PDE1B: variants seen among roughly 807,000 people sequenced by gnomAD.
PDE1B encodes phosphodiesterase 1B.
Under a neutral mutation model 66.7 loss-of-function variants are expected in PDE1B, and 13 were observed. That is an observed-to-expected ratio of 0.19 (90% CI 0.13 to 0.31). The LOEUF (loss-of-function observed/expected upper bound fraction) is 0.31. PDE1B is among the 10% of genes least tolerant of loss of function. PDE1B has a pLI of 1.00. For missense variants in PDE1B, 485 were observed against 682.3 expected, an observed-to-expected ratio of 0.71 and a Z score of 3.22; for synonymous variants, 230 against 253.9, an observed-to-expected ratio of 0.91 and a Z score of 0.90.
At chr12:54,572,919 C>T (rs1332618499) in intron 7 of PDE1B, among the ~76,000 whole-genome samples, 178 bp downstream of exon 7, 2 of 152,168 alleles carry the variant, frequency 1.3e-5, no homozygotes, top group African/African-American at 4.8e-5. Context: ...GACTAAAACT[C>T]GTTGGACAGT....
intron 3 of PDE1B, among the ~76,000 whole-genome samples, chr12:54,567,957 A>C (rs561208996): frequency 6.6e-6 from 1 of 152,222 alleles, no homozygotes; most frequent in East Asian, 1.9e-4. Flanking sequence ...CTGGGGTTCA[A>C]GCAATTCTTC....
rs903379475 is a variant in PDE1B at position 54,575,773 on chromosome 12, G to A, written c.1267+141G>A. Reference sequence around the variant, plus strand: ...CTACTGTGCTAGAGCATGGGGTCCTGGGTTAGGAGGCCAGGGGGCTGCAAT... The same window carrying A: ...CTACTGTGCTAGAGCATGGGGTCCTAGGTTAGGAGGCCAGGGGGCTGCAAT... On this transcript the variant is annotated intron_variant, in intron 12 of 15. Coordinates refer to ENST00000243052, the MANE Select transcript of PDE1B (RefSeq NM_000924.4). The surrounding 1 kb of genome is among the most constrained non-coding windows in gnomAD (Gnocchi z 4.0). 6.6e-6 allele frequency: 5 copies of A among 756,402 alleles called. No homozygotes were observed. The highest frequency in any genetic ancestry group is 9.2e-6 in the Non-Finnish European group (4 of 436,386). 46.9% of individuals were successfully genotyped at this position (756,402 alleles called of 1,614,324 possible).
In PDE1B at chr12:54,573,135, T is replaced by G. The variant is rs988997769; in HGVS notation, c.736-13T>G. On this transcript the variant is annotated splice_polypyrimidine_tract_variant and intron_variant, in intron 7 of 15. Coordinates refer to ENST00000243052, the MANE Select transcript of PDE1B (RefSeq NM_000924.4). The surrounding 1 kb of genome is among the most constrained non-coding windows in gnomAD (Gnocchi z 5.2). ...CGTCACCCCTCTCTCATTCTTTCTC[T>G]TTCCTCCTGTAGCACTGCCTGTCGG... The G allele has an allele frequency of 1.2e-5, 19 of 1,604,750 alleles. No homozygotes were observed. Among genetic ancestry groups the G allele is most frequent in the Non-Finnish European group, 1.5e-5 (18 of 1,171,574 alleles).
intron 3 of PDE1B, 43 bp downstream of exon 3, chr12:54,567,130 A>G: frequency 9.7e-7 from 1 of 1,033,530 alleles, no homozygotes; most frequent in Non-Finnish European, 1.5e-6. Flanking sequence ...GATGTCAGAC[A>G]TAGTGTTCCA....
At chr12:54,576,312 T>C (rs1011072901) in intron 13 of PDE1B, 1 of 604,802 alleles carries the variant, frequency 1.7e-6, no homozygotes, top group African/African-American at 1.9e-5. Flanking sequence ...ATATTTTTGT[T>C]TCTTCCATTA....
At chr12:54,560,627 A>G (rs1269747240) in intron 2 of PDE1B, among the ~76,000 whole-genome samples, 1 of 152,088 alleles carries the variant, frequency 6.6e-6, no homozygotes, top group Non-Finnish European at 1.5e-5. Flanking sequence ...GTCCACTTGG[A>G]GCTGCAGAGG....
intron 2 of PDE1B, among the ~76,000 whole-genome samples, chr12:54,563,279 T>C (rs1248930131): frequency 6.6e-6 from 1 of 152,244 alleles, no homozygotes; most frequent in Non-Finnish European, 1.5e-5. Flanking sequence ...AGCCTCTCTC[T>C]AAGCTAACTG....
At chr12:54,558,039 G>C (rs1398556478) in intron 2 of PDE1B, among the ~76,000 whole-genome samples, 1 of 152,108 alleles carries the variant, frequency 6.6e-6, no homozygotes, top group African/African-American at 2.4e-5. Flanking sequence ...TGAGGCTCAA[G>C]CTGCTTAGAT....
chr12:54,570,368 A>C lies in PDE1B; in HGVS notation c.594+11A>C. The C allele has an allele frequency of 6.8e-7, 1 of 1,464,858 alleles. No homozygotes were observed. The highest frequency in any genetic ancestry group is 9.6e-7 in the Non-Finnish European group (1 of 1,043,744). The allele number at this position is 1,464,858 out of a possible 1,614,324, so 90.7% of individuals were successfully genotyped here. A position where few individuals can be genotyped will look rare whatever the true frequency, so the allele number is the denominator to read the frequency against. ...ATCAGCCGCTTCAAGGTTGGGCAGC[A>C]TCCTACCTCTACCTCCAGGCAGGAT... is the stretch of plus-strand genomic sequence containing the variant. On this transcript the variant is annotated intron_variant, in intron 6 of 15. Transcript: ENST00000243052.
At chr12:54,561,231 C>T (rs1257242377) in intron 2 of PDE1B, among the ~76,000 whole-genome samples, 2 of 152,172 alleles carry the variant, frequency 1.3e-5, no homozygotes, top group Non-Finnish European at 2.9e-5. Context: ...TTGCTAACCC[C>T]CTTTTTCCCA....
chr12:54,567,349 A>C (rs898341201), intron 3 of PDE1B, among the ~76,000 whole-genome samples: 4 of 151,760 alleles, frequency 2.6e-5, no homozygotes, highest in Admixed American at 1.3e-4. Context: ...ACAAAAAAAA[A>C]AAAATTAGCC....
chr12:54,573,334 T>C lies in PDE1B; in HGVS notation c.837-21T>C. ...AGTCCCTCCTTACAGGGGGTGGTCA[T>C]GATGACCTTTGGCTTTGTAGGTCAG... is the stretch of plus-strand genomic sequence containing the variant. On this transcript the variant is annotated intron_variant, in intron 8 of 15. Transcript: ENST00000243052. This position sits in a 1 kb window ranked among gnomAD's most constrained non-coding sequence, Gnocchi z 5.2. The C allele has an allele frequency of 6.2e-7, 1 of 1,614,100 alleles. No individual in the cohort carries two copies. The highest frequency in any genetic ancestry group is 1.1e-5 in the South Asian group (1 of 91,072).
Position 54,573,787 on chromosome 12 carries a change from T to C in PDE1B, c.1064+78T>C. On this transcript the variant is annotated intron_variant, in intron 10 of 15. Coordinates refer to ENST00000243052, the MANE Select transcript of PDE1B (RefSeq NM_000924.4). The surrounding 1 kb of genome is among the most constrained non-coding windows in gnomAD (Gnocchi z 5.2). ...ACTGGGGGGGTATACACAAGGGTAGTTGGTGTGCCAGGTCTTTACCTCGCT... is the reference window on the plus strand; with the variant it reads ...ACTGGGGGGGTATACACAAGGGTAGCTGGTGTGCCAGGTCTTTACCTCGCT... 1 of 1,047,738 alleles carries C rather than the reference T, an allele frequency of 9.5e-7. No individual in the cohort carries two copies. The highest frequency in any genetic ancestry group is 1.3e-5 in the South Asian group (1 of 79,662). 64.9% of individuals were successfully genotyped at this position (1,047,738 alleles called of 1,614,324 possible).
At chr12:54,557,335 G>A (rs1432981138) in intron 2 of PDE1B, among the ~76,000 whole-genome samples, 1 of 152,162 alleles carries the variant, frequency 6.6e-6, no homozygotes, top group Admixed American at 6.5e-5. Context: ...GAACTTCCTG[G>A]AAAGTTCCTG....
At chr12:54,557,884 C>T (rs1957362062) in intron 2 of PDE1B, among the ~76,000 whole-genome samples, 1 of 151,978 alleles carries the variant, frequency 6.6e-6, no homozygotes. Flanking sequence ...GTACTGGGAG[C>T]CTCCTCTTTA....
intron 2 of PDE1B, among the ~76,000 whole-genome samples, chr12:54,559,579 A>AAAT (rs926821060): frequency 2.0e-5 from 3 of 152,154 alleles, no homozygotes; most frequent in East Asian, 3.9e-4. Flanking sequence ...TAGGAAGAGT[A>AAAT]AATAATAATA....
intron 7 of PDE1B, 113 bp downstream of exon 7, chr12:54,572,854 C>A: frequency 8.9e-7 from 1 of 1,125,762 alleles, no homozygotes; most frequent in South Asian, 1.4e-5. Context: ...CTTGGGCACT[C>A]CAAAGCCTTG....
intron 6 of PDE1B, 73 bp downstream of exon 6, chr12:54,570,430 A>T (rs1957596084): frequency 2.3e-6 from 2 of 863,742 alleles, no homozygotes; most frequent in East Asian, 4.8e-5. Context: ...AAAGCCTCCC[A>T]ACAAACAGAT....
At position 54,567,006 on chromosome 12, in the gene PDE1B, G is replaced by T. The variant is rs748929335; in HGVS notation, c.146G>T (p.Gly49Val). 1 of 1,612,398 alleles carries T rather than the reference G, an allele frequency of 6.2e-7. No individual in the cohort carries two copies. Among genetic ancestry groups the T allele is most frequent in the Admixed American group, 1.7e-5 (1 of 59,956 alleles). The change falls in exon 3 of 16, where the codon GGG (glycine) becomes GTG (valine). Residue 49 changes from glycine to valine, a missense_variant. Transcript: ENST00000243052. ...TACATGGTGAAGCAGTTGGAGAATG[G>T]GGAGATAAACATTGAGGAGCTGAAG... is the stretch of plus-strand genomic sequence containing the variant. ...LRYMVKQLEN[G>V]EINIEELKKN...
Sources: allele counts gnomAD v4.1 joint callset (sites outside exome capture counted in the v4.1 genomes callset), GRCh38; gene constraint gnomAD v4.1.1; non-coding constraint Gnocchi (gnomAD v3.1); transcripts MANE v1.5; gene names NCBI Gene and HGNC (gene_info 2026-07-23, HGNC 2026-07-21).